CFAP92: variants seen among roughly 807,000 people sequenced by gnomAD.
CFAP92 encodes the protein uncharacterized protein CFAP92.
Under a neutral mutation model 106.3 loss-of-function variants are expected in CFAP92, and 86 were observed. The observed-to-expected ratio is 0.81, with a 90% CI of 0.68 to 0.97. The LOEUF (loss-of-function observed/expected upper bound fraction) is 0.97, where lower values mean the gene tolerates loss of function less well. Among genes scored for constraint, CFAP92 ranks in the 50% least tolerant of loss-of-function variants. CFAP92 has a pLI of 0.00. For synonymous variants in CFAP92, 477 were observed against 506.4 expected (o/e 0.94, Z 0.78); for missense variants, 1,204 against 1,283.8 (o/e 0.94, Z 0.95).
chr3:128,988,609 C>G, intron 3 of CFAP92, 119 bp downstream of exon 3: 1 of 1,037,992 alleles, frequency 9.6e-7, no homozygotes, highest in Non-Finnish European at 1.4e-6. Flanking sequence ...AGGTGGGGCC[C>G]GGGATCCTCC....
chr3:129,018,985 C>G, the CFAP92 span, among the ~76,000 whole-genome samples: 1 of 152,210 alleles, frequency 6.6e-6, no homozygotes, highest in Non-Finnish European at 1.5e-5. Context: ...CCTCCAACTG[C>G]CTGCCACTCC....
chr3:128,968,047 T>C (rs570649992), intron 8 of CFAP92: 1 of 151,112 alleles, frequency 6.6e-6, no homozygotes, highest in South Asian at 2.1e-4. Context: ...TGTAAGGGAA[T>C]GTTTGTGCTC....
chr3:128,930,160 A>AT (rs944633106), intron 12 of CFAP92, among the ~76,000 whole-genome samples: 34 of 151,644 alleles, frequency 2.2e-4, no homozygotes, highest in African/African-American at 7.7e-4. Flanking sequence ...ATATTATTGC[A>AT]TTTTTTTTGA....
upstream of CFAP92, among the ~76,000 whole-genome samples, chr3:128,995,783 G>T (rs1944457707): frequency 6.6e-6 from 1 of 152,202 alleles, no homozygotes; most frequent in South Asian, 2.1e-4. Flanking sequence ...CAATTCTGAG[G>T]CTTCATTAAA....
intron 4 of CFAP92, among the ~76,000 whole-genome samples, chr3:128,983,229 TCAAAACAATAAG>T (rs1480885297): frequency 6.6e-6 from 1 of 152,064 alleles, no homozygotes; most frequent in African/African-American, 2.4e-5. Context: ...TCCAGGAAAC[TCAAAACAATAAG>T]CACACATGTC....
intron 7 of CFAP92, among the ~76,000 whole-genome samples, chr3:128,974,297 G>A (rs1345029808): frequency 6.6e-6 from 1 of 152,186 alleles, no homozygotes; most frequent in African/African-American, 2.4e-5. Context: ...ACGTGAAATG[G>A]CCCATCCCAG....
At chr3:128,911,033 A>G (rs1016991761) in intron 15 of CFAP92, among the ~76,000 whole-genome samples, 1 of 152,134 alleles carries the variant, frequency 6.6e-6, no homozygotes, top group African/African-American at 2.4e-5. Flanking sequence ...TTGTATGTAT[A>G]TATGTGTGTG....
intron 9 of CFAP92, among the ~76,000 whole-genome samples, chr3:128,950,346 C>T (rs1327008059): frequency 6.6e-6 from 1 of 152,200 alleles, no homozygotes; most frequent in Non-Finnish European, 1.5e-5. Flanking sequence ...CCAAAGCTCG[C>T]CTTTTAGGTC....
chr3:128,937,252 T>C (rs1427454372), intron 10 of CFAP92, among the ~76,000 whole-genome samples: 2 of 141,216 alleles, frequency 1.4e-5, no homozygotes, highest in Non-Finnish European at 3.0e-5. Flanking sequence ...AGTGAGCCCT[T>C]GTACCGCTGC....
intron 2 of CFAP92, 115 bp downstream of exon 2, chr3:128,992,928 G>C (rs1576655899): frequency 4.6e-6 from 6 of 1,296,870 alleles, no homozygotes; most frequent in Non-Finnish European, 4.4e-6. Flanking sequence ...TGGCCAGCCC[G>C]CTTTGGGGTG....
At chr3:129,005,436 C>T (rs1305451437), upstream of CFAP92, among the ~76,000 whole-genome samples, 3 of 152,310 alleles carry the variant, frequency 2.0e-5, no homozygotes, top group East Asian at 5.8e-4. Flanking sequence ...GAAGGGAGGC[C>T]CATTTAGGGC....
intron 12 of CFAP92, among the ~76,000 whole-genome samples, chr3:128,917,540 A>G (rs1201118034): frequency 1.3e-5 from 2 of 152,228 alleles, no homozygotes; most frequent in Non-Finnish European, 2.9e-5. Context: ...GGAGAAGTAA[A>G]TACAGTATTT....
At chr3:128,910,357 C>G (rs1260485004) in intron 15 of CFAP92, 24 bp from the exon 16 acceptor site, 1 of 1,465,180 alleles carries the variant, frequency 6.8e-7, no homozygotes, top group Non-Finnish European at 9.0e-7. Flanking sequence ...GGGTGAGTGA[C>G]AGGGGTTCCT....
At chr3:128,946,068 T>C (rs553184940) in intron 9 of CFAP92, 93 bp from the exon 10 acceptor site, 26 of 901,792 alleles carry the variant, frequency 2.9e-5, no homozygotes, top group Admixed American at 1.4e-4. Context: ...GCCAGGCTCA[T>C]TGCCTGTCCC....
intron 10 of CFAP92, among the ~76,000 whole-genome samples, chr3:128,940,910 G>A (rs1939558243): frequency 6.6e-6 from 1 of 151,930 alleles, no homozygotes; most frequent in African/African-American, 2.4e-5. Context: ...TTATTAACAT[G>A]CGGAAGTTTA....
chr3:129,002,508 T>C, intron 1 of CFAP92: 1 of 1,198,930 alleles, frequency 8.3e-7, no homozygotes. Flanking sequence ...TCCACTCCAG[T>C]CCCCAACCCT....
intron 9 of CFAP92, among the ~76,000 whole-genome samples, chr3:128,960,058 T>C (rs1941763310): frequency 6.6e-6 from 1 of 152,164 alleles, no homozygotes; most frequent in Non-Finnish European, 1.5e-5. Flanking sequence ...TTTTGTGAGA[T>C]CCACCCCTGC....
At chr3:128,919,033 C>T (rs926624866) in intron 12 of CFAP92, among the ~76,000 whole-genome samples, 6 of 150,728 alleles carry the variant, frequency 4.0e-5, no homozygotes, top group South Asian at 2.1e-4. Context: ...CTACAACCTC[C>T]GCCTCCCGAG....
intron 12 of CFAP92, among the ~76,000 whole-genome samples, chr3:128,919,919 C>G (rs1002414161): frequency 3.3e-5 from 5 of 152,210 alleles, no homozygotes; most frequent in African/African-American, 1.2e-4. Context: ...GGAGATTTAT[C>G]TGTCCTCTGT....
Sources: allele counts gnomAD v4.1 joint callset (sites outside exome capture counted in the v4.1 genomes callset), GRCh38; gene constraint gnomAD v4.1.1; transcripts MANE v1.5; gene names NCBI Gene and HGNC (gene_info 2026-07-23, HGNC 2026-07-21).